ZNF804A: variants seen among roughly 807,000 people sequenced by gnomAD.
The protein encoded by ZNF804A is zinc finger protein 804A.
In ZNF804A, 2 loss-of-function variants were observed where a neutral mutation model predicts 16.5. The observed-to-expected ratio is 0.12, with a 90% CI of 0.05 to 0.38. ZNF804A has a LOEUF of 0.38. Among genes scored for constraint, ZNF804A ranks in the 10% least tolerant of loss-of-function variants. ZNF804A has a pLI of 0.99. For missense variants in ZNF804A, 1,473 were observed against 1,390.7 expected, an observed-to-expected ratio of 1.06 and a Z score of -0.94; for synonymous variants, 534 against 489.6, an observed-to-expected ratio of 1.09 and a Z score of -1.20.
intron 1 of ZNF804A, among the ~76,000 whole-genome samples, chr2:184,707,642 G>A (rs1332767510): frequency 1.3e-5 from 2 of 152,118 alleles, no homozygotes; most frequent in Non-Finnish European, 2.9e-5. Context: ...TGGCTAAATA[G>A]TATTCCGTGG....
chr2:184,680,309 G>C (rs1692518182), intron 1 of ZNF804A, among the ~76,000 whole-genome samples: 1 of 152,168 alleles, frequency 6.6e-6, no homozygotes, highest in Non-Finnish European at 1.5e-5. Flanking sequence ...CTATGGAGAG[G>C]AGCTACCCAC....
At chr2:184,820,169 T>C (rs1449422071) in intron 1 of ZNF804A, among the ~76,000 whole-genome samples, 5 of 151,908 alleles carry the variant, frequency 3.3e-5, no homozygotes, top group Admixed American at 3.3e-4. Context: ...AAATCCCCAA[T>C]GAAATACTGA....
rs773636102 is a variant in ZNF804A at position 184,936,396 on chromosome 2, C to A, written c.1000C>A (p.Gln334Lys). Reference protein sequence around the residue: ...NCQNSVPLADQIPLESVVINE... With the variant: ...NCQNSVPLADKIPLESVVINE... ...TCAAAATTCAGTCCCATTAGCAGAT[C>A]AAATACCACTAGAGAGTGTTGTTAT... The change falls in exon 4 of 4, where the codon CAA (glutamine) becomes AAA (lysine). Residue 334 changes from glutamine (Q) to lysine (K), a missense_variant. Gln to Lys is a moderately conservative substitution (Grantham distance 53, BLOSUM62 1). Transcript: ENST00000302277. The A allele has an allele frequency of 1.2e-6, 2 of 1,613,924 alleles. No individual in the cohort carries two copies. The highest frequency in any genetic ancestry group is 1.7e-6 in the Non-Finnish European group (2 of 1,179,934).
At chr2:184,721,657 A>G (rs1693318264) in intron 1 of ZNF804A, among the ~76,000 whole-genome samples, 1 of 152,094 alleles carries the variant, frequency 6.6e-6, no homozygotes, top group African/African-American at 2.4e-5. Flanking sequence ...TAATATAAGC[A>G]TTATGGAGAA....
At chr2:184,890,719 T>G (rs1684967731) in intron 2 of ZNF804A, among the ~76,000 whole-genome samples, 1 of 151,688 alleles carries the variant, frequency 6.6e-6, no homozygotes, top group Admixed American at 6.6e-5. Flanking sequence ...AATAAATTGG[T>G]TTCCTTCCAA....
intron 1 of ZNF804A, among the ~76,000 whole-genome samples, chr2:184,699,704 A>C (rs573636443): frequency 6.6e-6 from 1 of 152,266 alleles, no homozygotes; most frequent in African/African-American, 2.4e-5. Context: ...ACAAAATAGA[A>C]AATTAAAAAT....
chr2:184,796,439 C>T (rs1241449725), intron 1 of ZNF804A, among the ~76,000 whole-genome samples: 2 of 152,038 alleles, frequency 1.3e-5, no homozygotes, highest in South Asian at 4.1e-4. Context: ...CCAGTTCTTC[C>T]TGGTTTAAGC....
chr2:184,676,994 A>G (rs1044404524), intron 1 of ZNF804A, among the ~76,000 whole-genome samples: 8 of 151,890 alleles, frequency 5.3e-5, no homozygotes, highest in African/African-American at 1.9e-4. Context: ...GATCAGGTAA[A>G]TCTATTATAT....
chr2:184,710,098 C>T (rs2105736135), intron 1 of ZNF804A, among the ~76,000 whole-genome samples: 1 of 151,228 alleles, frequency 6.6e-6, no homozygotes, highest in South Asian at 2.1e-4. Flanking sequence ...ATGGAAGAAT[C>T]TCCAAGTTAT....
intron 1 of ZNF804A, among the ~76,000 whole-genome samples, chr2:184,800,441 CAAAG>C (rs1455044928): frequency 1.3e-5 from 2 of 151,502 alleles, no homozygotes; most frequent in Non-Finnish European, 3.0e-5. Flanking sequence ...TATATTTACT[CAAAG>C]AACTGCTTTA....
chr2:184,824,642 G>T (rs1695132160), intron 1 of ZNF804A, among the ~76,000 whole-genome samples: 1 of 152,076 alleles, frequency 6.6e-6, no homozygotes, highest in African/African-American at 2.4e-5. Flanking sequence ...TTGGTGGCTT[G>T]AGACAACCAC....
chr2:184,804,890 C>A (rs1423158272), intron 1 of ZNF804A, among the ~76,000 whole-genome samples: 2 of 152,180 alleles, frequency 1.3e-5, no homozygotes, highest in Non-Finnish European at 2.9e-5. Context: ...TATCTATCTT[C>A]TTTAACTCCA....
In ZNF804A at chr2:184,779,839, TA is replaced by T. The variant is rs1186416888; in HGVS notation, c.112-86528del. Among the ~76,000 whole-genome samples, 3 of 151,742 alleles carry T rather than the reference TA, an allele frequency of 2.0e-5. No homozygotes were observed. In the East Asian group the frequency reaches 5.8e-4, roughly 29 times the overall value. ...ACTTCTGACCTCTAGAGATGTCAGATAATGAATTTGCTGTATCTTAAGCTAC... is the reference window on the plus strand; with the variant it reads ...ACTTCTGACCTCTAGAGATGTCAGATATGAATTTGCTGTATCTTAAGCTAC... On this transcript the variant is annotated intron_variant, in intron 1 of 3. Coordinates refer to ENST00000302277, the MANE Select transcript of ZNF804A (RefSeq NM_194250.2).
Position 184,936,317 on chromosome 2 carries a change from A to G in ZNF804A, c.921A>G (p.Leu307=), listed in dbSNP as rs1252502797. Residue 307 remains leucine (L), a synonymous_variant, in exon 4 of 4, where the codon TTA becomes TTG. Transcript: ENST00000302277. ...KEVSSEKDAL[L]LPSFCKFQLQ... ...TCTCTAGTGAAAAAGATGCATTATT[A>G]TTACCTTCATTTTGCAAGTTTCAAC... The G allele has an allele frequency of 6.2e-7, 1 of 1,613,788 alleles. No homozygotes were observed. The highest frequency in any genetic ancestry group is 1.1e-5 in the South Asian group (1 of 91,070).
At chr2:184,626,518 A>T (rs777409165) in intron 1 of ZNF804A, among the ~76,000 whole-genome samples, 9 of 152,196 alleles carry the variant, frequency 5.9e-5, no homozygotes, top group Non-Finnish European at 1.2e-4. Flanking sequence ...CCATTATATT[A>T]TAAATTATTA....
intron 1 of ZNF804A, among the ~76,000 whole-genome samples, chr2:184,725,293 G>A (rs1693390062): frequency 6.6e-6 from 1 of 151,608 alleles, no homozygotes; most frequent in Admixed American, 6.6e-5. Context: ...TTATGGTTTT[G>A]AAGAAAATAT....
At chr2:184,711,842 CTA>C (rs1446490710) in intron 1 of ZNF804A, among the ~76,000 whole-genome samples, 1 of 151,430 alleles carries the variant, frequency 6.6e-6, no homozygotes, top group African/African-American at 2.4e-5. Context: ...TTCTGTCTGT[CTA>C]TTTTAATTTC....
intron 1 of ZNF804A, among the ~76,000 whole-genome samples, chr2:184,749,610 T>TA (rs981794751): frequency 6.6e-6 from 1 of 151,322 alleles, no homozygotes; most frequent in Non-Finnish European, 1.5e-5. Context: ...ATTCTACATC[T>TA]AAAAAATATT....
At chr2:184,786,972 CT>C (rs1005690452) in intron 1 of ZNF804A, among the ~76,000 whole-genome samples, 17 of 150,950 alleles carry the variant, frequency 1.1e-4, no homozygotes, top group African/African-American at 2.2e-4. Context: ...TATTAATATA[CT>C]TTTTTTTTAT....
Sources: gnomAD v4.1 joint callset for allele counts (sites outside exome capture counted in the v4.1 genomes callset) on GRCh38, gnomAD v4.1.1 for gene constraint, MANE v1.5 for transcripts, NCBI Gene and HGNC (gene_info 2026-07-23, HGNC 2026-07-21) for gene names.